The following PPP2R5A variants were observed in gnomAD, a reference collection of about 807,000 sequenced individuals.
PPP2R5A encodes protein phosphatase 2 regulatory subunit B'alpha.
A neutral mutation model predicts 64.2 loss-of-function variants in PPP2R5A; 25 were observed. The observed-to-expected ratio is 0.39, with a 90% CI of 0.28 to 0.54. The LOEUF (loss-of-function observed/expected upper bound fraction) is 0.54. Ranked by LOEUF, PPP2R5A falls within the 20% of genes least tolerant of loss-of-function variation. PPP2R5A has a pLI of 0.67. For missense variants in PPP2R5A, 425 were observed against 576.3 expected, an observed-to-expected ratio of 0.74 and a Z score of 2.69; for synonymous variants, 198 against 201.2, an observed-to-expected ratio of 0.98 and a Z score of 0.13.
chr1:212,351,973 A>C (rs1013487110), intron 8 of PPP2R5A, among the ~76,000 whole-genome samples: 2 of 149,124 alleles, frequency 1.3e-5, no homozygotes, highest in African/African-American at 4.9e-5. Context: ...TTTCTTTTTT[A>C]TTTTATTTTA....
chr1:212,288,038 T>A (rs1391126690), intron 1 of PPP2R5A, among the ~76,000 whole-genome samples: 1 of 152,176 alleles, frequency 6.6e-6, no homozygotes, highest in Non-Finnish European at 1.5e-5. Flanking sequence ...TATTTTATTT[T>A]ATTTTTTCAC....
At chr1:212,314,160 A>G (rs538332253) in intron 1 of PPP2R5A, among the ~76,000 whole-genome samples, 3 of 152,290 alleles carry the variant, frequency 2.0e-5, no homozygotes, top group Admixed American at 2.0e-4. Flanking sequence ...CCGCATGGAG[A>G]GGCTATATGT....
At chr1:212,300,097 G>A (rs1658772431) in intron 1 of PPP2R5A, among the ~76,000 whole-genome samples, 4 of 152,112 alleles carry the variant, frequency 2.6e-5, no homozygotes, top group African/African-American at 9.7e-5. Context: ...TAACAGGTGT[G>A]AGCCACCGCA....
At chr1:212,301,199 C>T (rs1044941345) in intron 1 of PPP2R5A, among the ~76,000 whole-genome samples, 38 of 152,126 alleles carry the variant, frequency 2.5e-4, no homozygotes, top group Non-Finnish European at 4.0e-4. Context: ...TTAGTAGAGA[C>T]GGGGTTTCGC....
intron 12 of PPP2R5A, among the ~76,000 whole-genome samples, chr1:212,359,732 C>T (rs1001123481): frequency 1.3e-5 from 2 of 152,158 alleles, no homozygotes; most frequent in Admixed American, 6.5e-5. Flanking sequence ...TTCTTCAAAG[C>T]CATCCAGCCC....
At chr1:212,354,014 C>G (rs1398746371) in intron 8 of PPP2R5A, among the ~76,000 whole-genome samples, 1 of 151,936 alleles carries the variant, frequency 6.6e-6, no homozygotes, top group Non-Finnish European at 1.5e-5. Flanking sequence ...GAAACCCCGT[C>G]TCTACTAAAA....
chr1:212,297,341 C>G (rs1009130591), intron 1 of PPP2R5A: 11 of 151,782 alleles, frequency 7.2e-5, no homozygotes, highest in African/African-American at 2.7e-4. Context: ...GTCTTAAACT[C>G]CTGACCTCGT....
chr1:212,312,618 A>G (rs1458695689), intron 1 of PPP2R5A, among the ~76,000 whole-genome samples: 2 of 152,244 alleles, frequency 1.3e-5, no homozygotes, highest in African/African-American at 2.4e-5. Context: ...TTTCAGGTAC[A>G]TAATCATGCC....
intron 1 of PPP2R5A, among the ~76,000 whole-genome samples, chr1:212,325,154 A>C (rs955472109): frequency 3.3e-5 from 5 of 152,218 alleles, no homozygotes; most frequent in Admixed American, 1.3e-4. Flanking sequence ...GAGGAGCCTG[A>C]AATCTTTTGG....
At chr1:212,316,615 A>C in intron 1 of PPP2R5A, among the ~76,000 whole-genome samples, 1 of 34,012 alleles carries the variant, frequency 2.9e-5, no homozygotes, top group Non-Finnish European at 6.5e-5. Context: ...TTTTTTTTTA[A>C]TCTGAAAGCT....
chr1:212,319,949 T>C (rs1300714441), intron 1 of PPP2R5A, among the ~76,000 whole-genome samples: 2 of 13,820 alleles, frequency 1.4e-4, no homozygotes, highest in East Asian at 2.9e-3. Context: ...TACAGATTGT[T>C]TTTTTTTTTT....
chr1:212,315,245 T>C (rs1442358628), intron 1 of PPP2R5A, among the ~76,000 whole-genome samples: 3 of 152,220 alleles, frequency 2.0e-5, no homozygotes, highest in Non-Finnish European at 2.9e-5. Context: ...GTATTATGTA[T>C]GATTTTTAAA....
At chr1:212,334,693 T>C (rs79241935) in intron 3 of PPP2R5A, among the ~76,000 whole-genome samples, 2,169 of 152,308 alleles carry the variant, frequency 0.014, 49 homozygotes, top group African/African-American at 0.048. Context: ...CTTTCAACAC[T>C]TTGAACATGT....
chr1:212,297,689 C>A (rs567480338), intron 1 of PPP2R5A: 12 of 152,206 alleles, frequency 7.9e-5, no homozygotes, highest in African/African-American at 2.9e-4. Flanking sequence ...TATAAAAATG[C>A]TTCATTGATC....
chr1:212,340,568 CA>C (rs1430614996), intron 3 of PPP2R5A, among the ~76,000 whole-genome samples: 2 of 152,110 alleles, frequency 1.3e-5, no homozygotes, highest in Non-Finnish European at 2.9e-5. Context: ...TACCCCAAAG[CA>C]AAATTATCTT....
intron 2 of PPP2R5A, among the ~76,000 whole-genome samples, chr1:212,332,270 C>T (rs1024377076): frequency 7.9e-5 from 12 of 152,192 alleles, no homozygotes; most frequent in African/African-American, 2.4e-4. Flanking sequence ...AAAGATGCCA[C>T]TTCATAAGAA....
intron 1 of PPP2R5A, among the ~76,000 whole-genome samples, chr1:212,322,610 C>T (rs57547209): frequency 0.068 from 10,313 of 152,188 alleles, 1,140 homozygotes; most frequent in African/African-American, 0.23. Context: ...ACAGCAGCTT[C>T]GCTTCTCTCA....
At chr1:212,333,195 G>A (rs1469552806) in intron 2 of PPP2R5A, among the ~76,000 whole-genome samples, 3 of 152,040 alleles carry the variant, frequency 2.0e-5, no homozygotes, top group African/African-American at 7.2e-5. Context: ...GAGCCACTTC[G>A]CCTGGCCCCC....
intron 3 of PPP2R5A, among the ~76,000 whole-genome samples, chr1:212,340,324 C>T (rs1659666418): frequency 6.6e-6 from 1 of 152,056 alleles, no homozygotes; most frequent in Admixed American, 6.6e-5. Flanking sequence ...TTCTAAATAG[C>T]TCCTGCACTT....
Sources: gnomAD v4.1 joint callset for allele counts (sites outside exome capture counted in the v4.1 genomes callset) on GRCh38, gnomAD v4.1.1 for gene constraint, MANE v1.5 for transcripts, NCBI Gene and HGNC (gene_info 2026-07-23, HGNC 2026-07-21) for gene names.